PLB1: variants seen among roughly 807,000 people sequenced by gnomAD.
PLB1 encodes the protein phospholipase B1, membrane-associated.
In PLB1, 242 loss-of-function variants were observed where a neutral mutation model predicts 227.4. The observed-to-expected ratio is 1.06, with a 90% CI of 0.96 to 1.18. The LOEUF is 1.18. Among genes scored for constraint, PLB1 ranks in the 50% most tolerant of loss-of-function variants. PLB1 has a pLI of 0.00. For synonymous variants in PLB1, 757 were observed against 682.2 expected (o/e 1.11, Z -1.71); for missense variants, 1,858 against 1,816.3 (o/e 1.02, Z -0.42).
At chr2:28,609,398 T>A (rs1231716865) in intron 43 of PLB1, among the ~76,000 whole-genome samples, 1 of 152,004 alleles carries the variant, frequency 6.6e-6, no homozygotes, top group Non-Finnish European at 1.5e-5. Context: ...CCTTGGATGC[T>A]CTATCTGGTA....
chr2:28,576,924 T>C (rs1301920347), intron 21 of PLB1, among the ~76,000 whole-genome samples: 1 of 152,134 alleles, frequency 6.6e-6, no homozygotes, highest in East Asian at 1.9e-4. Context: ...GTAGGGCTAA[T>C]AGATAAGAGG....
intron 4 of PLB1, among the ~76,000 whole-genome samples, chr2:28,520,363 C>A (rs774648081): frequency 1.3e-5 from 2 of 151,898 alleles, no homozygotes; most frequent in African/African-American, 4.8e-5. Flanking sequence ...TAAAAGTAAT[C>A]TTTTAAATTT....
Position 28,614,104 on chromosome 2 carries a change from C to G in PLB1, c.3195+8C>G. ...ATCAAGCCAGCCATTGAGGTAACCCCTGACTCACATCTGCCTCTCTCAGAC... is the reference window on the plus strand; with the variant it reads ...ATCAAGCCAGCCATTGAGGTAACCCGTGACTCACATCTGCCTCTCTCAGAC... On this transcript the variant is annotated splice_region_variant and intron_variant, in intron 44 of 57. Coordinates refer to ENST00000327757, the MANE Select transcript of PLB1 (RefSeq NM_153021.5). The G allele has an allele frequency of 1.9e-6, 3 of 1,607,148 alleles. No homozygotes were observed. The highest frequency in any genetic ancestry group is 2.6e-6 in the Non-Finnish European group (3 of 1,173,738).
chr2:28,577,976 C>T, intron 21 of PLB1, 131 bp from the exon 22 acceptor site: 1 of 843,418 alleles, frequency 1.2e-6, no homozygotes, highest in Non-Finnish European at 2.0e-6. Flanking sequence ...GCGACACGGC[C>T]TTCAGTCCAT....
At chr2:28,543,408 G>A (rs1414238099) in intron 14 of PLB1, 140 bp downstream of exon 14, 5 of 878,780 alleles carry the variant, frequency 5.7e-6, no homozygotes, top group Admixed American at 2.8e-5. Flanking sequence ...GGATGCTTCT[G>A]TCTCCCGGTG....
At position 28,630,627 on chromosome 2, in the gene PLB1, A is replaced by G; in HGVS notation, c.3860A>G (p.Glu1287Gly). 1 of 1,613,642 alleles carries G rather than the reference A, an allele frequency of 6.2e-7. No individual in the cohort carries two copies. Among genetic ancestry groups the G allele is most frequent in the Non-Finnish European group, 8.5e-7 (1 of 1,179,808 alleles). ...CTCAGACACTCGCAAAGCTCCCTGG[A>G]GAAGCAAGAACTGAAGAAAGTGAAC... The part of the protein sequence containing the change: ...TCLRHSQSSL[E>G]KQELKKVNWN... Residue 1287 changes from glutamate (E) to glycine (G), a missense_variant, in exon 54 of 58, where the codon GAG (glutamate) becomes GGG (glycine). By Grantham distance (98) the Glu-to-Gly change is moderately conservative (BLOSUM62 -2). Transcript: ENST00000327757.
chr2:28,618,979 C>A (rs573469242), intron 46 of PLB1, among the ~76,000 whole-genome samples: 2 of 152,176 alleles, frequency 1.3e-5, no homozygotes, highest in Non-Finnish European at 2.9e-5. Context: ...GCTGGAAAAA[C>A]AAGAAACGTA....
rs150857005 is a variant in PLB1, at chr2:28,625,059, A to T, written c.3530A>T (p.Asp1177Val). The T allele has an allele frequency of 3.3e-4, 532 of 1,613,528 alleles. 3 individuals are homozygous for T. In the East Asian group the frequency reaches 0.01, roughly 31 times the overall value. Residue 1177 changes from aspartate (D) to valine (V), a missense_variant and splice_region_variant, in exon 50 of 58, where the codon GAC becomes GTC. Asp to Val is a radical substitution (Grantham distance 152, BLOSUM62 -3). Transcript: ENST00000327757. ...NVAAEGARAR[D>V]MPAQAWDLVE... ...CCCTCTCTCTACCCCCCACCTAGGG[A>T]CATGCCAGCCCAGGCCTGGGACCTG...
chr2:28,580,174 T>A (rs985590206), intron 23 of PLB1, among the ~76,000 whole-genome samples: 1 of 152,176 alleles, frequency 6.6e-6, no homozygotes, highest in Non-Finnish European at 1.5e-5. Context: ...AGGCTGCTGC[T>A]CCATGGATGC....
chr2:28,545,428 G>A (rs1673097851), intron 14 of PLB1, among the ~76,000 whole-genome samples: 1 of 152,126 alleles, frequency 6.6e-6, no homozygotes, highest in Admixed American at 6.5e-5. Context: ...CACATCAGAA[G>A]CTCCTGCAGA....
chr2:28,578,079 C>G (rs1041454129), intron 21 of PLB1, 28 bp from the exon 22 acceptor site: 1 of 1,612,534 alleles, frequency 6.2e-7, no homozygotes, highest in Non-Finnish European at 8.5e-7. Context: ...CCACTCCTCA[C>G]AGCACTTCCT....
At chr2:28,532,629 C>G (rs2148195682) in intron 9 of PLB1, among the ~76,000 whole-genome samples, 1 of 152,276 alleles carries the variant, frequency 6.6e-6, no homozygotes, top group East Asian at 1.9e-4. Flanking sequence ...GCTGAGTCAA[C>G]AGTCATTCCG....
chr2:28,580,059 T>G (rs1447565534), intron 23 of PLB1, among the ~76,000 whole-genome samples: 1 of 152,256 alleles, frequency 6.6e-6, no homozygotes, highest in Non-Finnish European at 1.5e-5. Flanking sequence ...AGCCTTGCCC[T>G]TTCCACCTTT....
intron 43 of PLB1, among the ~76,000 whole-genome samples, chr2:28,607,158 G>C (rs887492428): frequency 6.6e-6 from 1 of 152,198 alleles, no homozygotes; most frequent in African/African-American, 2.4e-5. Context: ...CTTCAGGCCT[G>C]GGGTGGGGGC....
At chr2:28,516,462 T>G (rs1316492249) in intron 1 of PLB1, among the ~76,000 whole-genome samples, 1 of 152,208 alleles carries the variant, frequency 6.6e-6, no homozygotes, top group Non-Finnish European at 1.5e-5. Context: ...AGTAACTGTT[T>G]GTCTGACATT....
Position 28,642,935 on chromosome 2 carries a change from C to T in PLB1, c.4251C>T (p.Tyr1417=), listed in dbSNP as rs1387081939. Residue 1417 remains tyrosine, a synonymous_variant, in exon 58 of 58, where the codon TAC becomes TAT. Transcript: ENST00000327757. ...DQAEEAPEVL[Y]WAVPVAAGVG... is the part of the protein sequence containing the mutation. Reference sequence around the variant, plus strand: ...CTGAAGAAGCCCCCGAGGTGCTCTACTGGGCTGTCCCAGTGGCAGCGGGAG... The same window carrying T: ...CTGAAGAAGCCCCCGAGGTGCTCTATTGGGCTGTCCCAGTGGCAGCGGGAG... The T allele has an allele frequency of 6.2e-7, 1 of 1,609,026 alleles. No homozygotes were observed.
Position 28,549,998 on chromosome 2 carries a change from C to G in PLB1, c.1009-12C>G, listed in dbSNP as rs757757949. Reference sequence around the variant, plus strand: ...TAGGGTCACGATTCCAACATGTCACCTTTCCCTGCAGGAGAGCCCCTATCT... The same window carrying G: ...TAGGGTCACGATTCCAACATGTCACGTTTCCCTGCAGGAGAGCCCCTATCT... On this transcript the variant is annotated splice_polypyrimidine_tract_variant and intron_variant, in intron 15 of 57. Coordinates refer to ENST00000327757, the MANE Select transcript of PLB1 (RefSeq NM_153021.5). 6 of 1,609,178 alleles carry G rather than the reference C, an allele frequency of 3.7e-6. No individual in the cohort carries two copies. The South Asian group carries it at 6.6e-5, about 18-fold the overall frequency.
At chr2:28,637,390 T>G (rs1689497904) in intron 56 of PLB1, among the ~76,000 whole-genome samples, 2 of 150,794 alleles carry the variant, frequency 1.3e-5, no homozygotes. Flanking sequence ...TGGTCTGGAG[T>G]GCGAGCTGGA....
intron 15 of PLB1, among the ~76,000 whole-genome samples, 163 bp from the exon 16 acceptor site, chr2:28,549,847 C>T (rs1380512795): frequency 1.3e-5 from 2 of 152,070 alleles, no homozygotes; most frequent in African/African-American, 4.8e-5. Flanking sequence ...TTCATGAGTC[C>T]TTCAGGGACC....
Sources: gnomAD v4.1 joint callset for allele counts (sites outside exome capture counted in the v4.1 genomes callset) on GRCh38, gnomAD v4.1.1 for gene constraint, MANE v1.5 for transcripts, NCBI Gene and HGNC (gene_info 2026-07-23, HGNC 2026-07-21) for gene names.